Variants in TBC1D12 observed in about 807,000 individuals in gnomAD.
TBC1D12 encodes TBC1 domain family, member 12.
Under a neutral mutation model 86.7 loss-of-function variants are expected in TBC1D12, and 56 were observed. That is an observed-to-expected ratio of 0.65 (90% confidence interval 0.52 to 0.81). TBC1D12 has a LOEUF of 0.81. Ranked by LOEUF, TBC1D12 falls within the 30% of genes least tolerant of loss-of-function variation. The pLI, the probability that TBC1D12 is intolerant of heterozygous loss-of-function variation, is 0.00. For missense variants in TBC1D12, 1,023 were observed against 1,038.8 expected (o/e 0.98, Z 0.21); for synonymous variants, 421 against 411.7 (o/e 1.02, Z -0.27).
chr10:94,448,007 A>G (rs1320383171), intron 2 of TBC1D12, among the ~76,000 whole-genome samples: 2 of 151,812 alleles, frequency 1.3e-5, no homozygotes, highest in Non-Finnish European at 1.5e-5. Context: ...TAGTGCTTAG[A>G]TGATCAAGTT....
At chr10:94,512,396 C>T (rs1384714851) in intron 9 of TBC1D12, among the ~76,000 whole-genome samples, 2 of 152,112 alleles carry the variant, frequency 1.3e-5, no homozygotes, top group Non-Finnish European at 2.9e-5. Flanking sequence ...ATCTTCTCAC[C>T]TTTGCCTTAA....
intron 2 of TBC1D12, among the ~76,000 whole-genome samples, chr10:94,466,721 A>T (rs2055830159): frequency 6.6e-6 from 1 of 152,198 alleles, no homozygotes; most frequent in Admixed American, 6.5e-5. Flanking sequence ...TAATGTTAGC[A>T]TCTATTACCC....
At chr10:94,509,385 A>T (rs2056500748) in intron 7 of TBC1D12, 1 of 152,174 alleles carries the variant, frequency 6.6e-6, no homozygotes, top group Non-Finnish European at 1.5e-5. Flanking sequence ...GAGCCACCAC[A>T]CCCGGACCAA....
intron 8 of TBC1D12, among the ~76,000 whole-genome samples, chr10:94,510,678 T>G (rs542205644): frequency 6.6e-6 from 1 of 152,318 alleles, no homozygotes; most frequent in East Asian, 1.9e-4. Flanking sequence ...TTTATTTCTT[T>G]TTAAATTTGA....
intron 2 of TBC1D12, among the ~76,000 whole-genome samples, chr10:94,473,212 T>C (rs1159174905): frequency 2.0e-5 from 3 of 146,472 alleles, no homozygotes; most frequent in African/African-American, 7.6e-5. Context: ...AAAAAAAAAA[T>C]AGCCAGCCGT....
intron 10 of TBC1D12, 96 bp from the exon 11 acceptor site, chr10:94,522,248 C>A: frequency 9.1e-7 from 1 of 1,102,368 alleles, no homozygotes; most frequent in Non-Finnish European, 1.3e-6. Context: ...AGATGAGATT[C>A]TTAATGAGCA....
chr10:94,470,476 C>T (rs527783813), intron 2 of TBC1D12, among the ~76,000 whole-genome samples: 38 of 152,152 alleles, frequency 2.5e-4, no homozygotes, highest in East Asian at 3.9e-4. Context: ...TGATCTCCCA[C>T]CTCAGCCTCC....
chr10:94,500,120 G>T, intron 5 of TBC1D12, 101 bp from the exon 6 acceptor site: 1 of 1,038,614 alleles, frequency 9.6e-7, no homozygotes, highest in South Asian at 1.7e-5. Flanking sequence ...TCCTAAAAAT[G>T]ATTTGATCAC....
chr10:94,485,634 CTCT>C (rs2056149648), intron 3 of TBC1D12, among the ~76,000 whole-genome samples: 1 of 150,912 alleles, frequency 6.6e-6, no homozygotes, highest in African/African-American at 2.4e-5. Flanking sequence ...GAATTCCCTC[CTCT>C]ATTTTTTGCA....
intron 2 of TBC1D12, among the ~76,000 whole-genome samples, chr10:94,449,698 C>T (rs547121180): frequency 6.6e-6 from 1 of 152,306 alleles, no homozygotes; most frequent in South Asian, 2.1e-4. Context: ...GGGAGTGTTC[C>T]TACTGTCCAT....
At chr10:94,457,859 A>C (rs2055651920) in intron 2 of TBC1D12, among the ~76,000 whole-genome samples, 1 of 151,822 alleles carries the variant, frequency 6.6e-6, no homozygotes, top group Admixed American at 6.6e-5. Context: ...AGCTAAGCCA[A>C]CTCCACTTTC....
At chr10:94,457,846 T>C (rs768955744) in intron 2 of TBC1D12, among the ~76,000 whole-genome samples, 1 of 152,150 alleles carries the variant, frequency 6.6e-6, no homozygotes, top group Non-Finnish European at 1.5e-5. Flanking sequence ...AGTATGTATT[T>C]ATAGCTAAGC....
chr10:94,511,879 A>G (rs999375139), intron 9 of TBC1D12, among the ~76,000 whole-genome samples: 13 of 152,120 alleles, frequency 8.5e-5, no homozygotes, highest in Admixed American at 2.0e-4. Flanking sequence ...TCACCATGCA[A>G]TTTATAAACT....
chr10:94,460,093 A>G (rs2055701971), intron 2 of TBC1D12, among the ~76,000 whole-genome samples: 1 of 152,094 alleles, frequency 6.6e-6, no homozygotes, highest in South Asian at 2.1e-4. Context: ...TTAGCTGGGC[A>G]TGGTGGCACA....
intron 1 of TBC1D12, among the ~76,000 whole-genome samples, chr10:94,406,694 C>T (rs1051489590): frequency 6.6e-6 from 1 of 152,198 alleles, no homozygotes; most frequent in Non-Finnish European, 1.5e-5. Context: ...GAGATCCAAC[C>T]CTACCCCTAA....
intron 1 of TBC1D12, among the ~76,000 whole-genome samples, chr10:94,418,798 C>T (rs1328791552): frequency 6.6e-6 from 1 of 151,948 alleles, no homozygotes; most frequent in African/African-American, 2.4e-5. Context: ...GTCTTGAACG[C>T]CTGACCTCAA....
chr10:94,443,117 C>G (rs1365475533), intron 2 of TBC1D12, among the ~76,000 whole-genome samples: 1 of 152,164 alleles, frequency 6.6e-6, no homozygotes, highest in Non-Finnish European at 1.5e-5. Flanking sequence ...AAGATGTTCA[C>G]CCCCATAGAA....
rs1283084503 is a variant in TBC1D12 at position 94,533,190 on chromosome 10, GAGATACCTAAA to G, written c.*98_*108del. 1 of 683,380 alleles carries G rather than the reference GAGATACCTAAA, an allele frequency of 1.5e-6. No individual in the cohort carries two copies. Among genetic ancestry groups the G allele is most frequent in the African/African-American group, 1.9e-5 (1 of 53,956 alleles). 42.3% of individuals were successfully genotyped at this position (683,380 alleles called of 1,614,324 possible). ...GTAAAAGGCGTGGAAGAAAATGTTGGAGATACCTAAAAGAATCAAGAGGTGGAAAACTGCTG... is the reference window on the plus strand; with the variant it reads ...GTAAAAGGCGTGGAAGAAAATGTTGGAGAATCAAGAGGTGGAAAACTGCTG... On this transcript the variant is annotated 3_prime_UTR_variant, in exon 13 of 13. Transcript: ENST00000225235.
At chr10:94,520,941 G>A (rs545095916) in intron 9 of TBC1D12, among the ~76,000 whole-genome samples, 5 of 152,274 alleles carry the variant, frequency 3.3e-5, no homozygotes, top group Admixed American at 2.0e-4. Context: ...GATTACAGGC[G>A]TGAGCCACTG....
Sources: gnomAD v4.1 joint callset for allele counts (sites outside exome capture counted in the v4.1 genomes callset) on GRCh38, gnomAD v4.1.1 for gene constraint, MANE v1.5 for transcripts, NCBI Gene and HGNC (gene_info 2026-07-23, HGNC 2026-07-21) for gene names.